SCRG1: variants seen among roughly 807,000 people sequenced by gnomAD.
SCRG1 encodes the protein scrapie-responsive protein 1.
A neutral mutation model predicts 7.7 loss-of-function variants in SCRG1; 3 were observed. The observed-to-expected ratio is 0.39, with a 90% CI of 0.18 to 1.01. The LOEUF (loss-of-function observed/expected upper bound fraction) is 1.01, where lower values mean the gene tolerates loss of function less well. SCRG1 is among the 50% of genes least tolerant of loss of function. The pLI is 0.36. For synonymous variants in SCRG1, 46 were observed against 41.2 expected, an observed-to-expected ratio of 1.12 and a Z score of -0.44; for missense variants, 110 against 117.2, an observed-to-expected ratio of 0.94 and a Z score of 0.28.
At chr4:173,507,960 C>T in the SCRG1 span, among the ~76,000 whole-genome samples, 6 of 152,312 alleles carry the variant, frequency 3.9e-5, no homozygotes, top group South Asian at 8.3e-4. This position sits in a 1 kb window ranked among gnomAD's most constrained non-coding sequence, Gnocchi z 4.4. Flanking sequence ...GTGCGGCTCC[C>T]GGAGGCGCTG....
At chr4:173,499,398 A>C in the SCRG1 span, among the ~76,000 whole-genome samples, 1 of 152,216 alleles carries the variant, frequency 6.6e-6, no homozygotes, top group Non-Finnish European at 1.5e-5. The surrounding 1 kb of genome is among the most constrained non-coding windows in gnomAD (Gnocchi z 4.1). Flanking sequence ...AATTTTAAAA[A>C]CTGGGATAGT....
the SCRG1 span, among the ~76,000 whole-genome samples, chr4:173,440,928 C>T: frequency 2.6e-5 from 4 of 152,118 alleles, no homozygotes; most frequent in African/African-American, 9.7e-5. Flanking sequence ...AGAAGGACAC[C>T]AGTCGTACTG....
chr4:173,451,617 TTTATTTTACTTAC>T, the SCRG1 span, among the ~76,000 whole-genome samples: 11 of 75,788 alleles, frequency 1.5e-4, no homozygotes, highest in Admixed American at 2.6e-4. Context: ...TTTATTTTAT[TTTATTTTACTTAC>T]TTATTTTATT....
chr4:173,516,609 C>T, the SCRG1 span, among the ~76,000 whole-genome samples: 3 of 152,196 alleles, frequency 2.0e-5, no homozygotes, highest in African/African-American at 4.8e-5. Context: ...CTGGCAGGGA[C>T]GCCCCAAGAG....
At chr4:173,463,891 C>A in the SCRG1 span, among the ~76,000 whole-genome samples, 1 of 152,034 alleles carries the variant, frequency 6.6e-6, no homozygotes, top group Admixed American at 6.6e-5. Flanking sequence ...GTGGATCAAT[C>A]AAAAAGCAAA....
the SCRG1 span, among the ~76,000 whole-genome samples, chr4:173,451,565 A>G: frequency 6.6e-6 from 1 of 152,020 alleles, no homozygotes; most frequent in Non-Finnish European, 1.5e-5. Context: ...ATGGCCTACT[A>G]AAATAGTAAA....
At chr4:173,394,912 A>G (rs1426165663) in intron 1 of SCRG1, among the ~76,000 whole-genome samples, 4 of 152,238 alleles carry the variant, frequency 2.6e-5, no homozygotes, top group Non-Finnish European at 5.9e-5. Flanking sequence ...ATATACACTT[A>G]TCTTTATCAA....
chr4:173,483,940 TAA>T, the SCRG1 span, among the ~76,000 whole-genome samples: 1 of 96,342 alleles, frequency 1.0e-5, no homozygotes, highest in African/African-American at 4.3e-5. Flanking sequence ...ATATATAATA[TAA>T]ATCATATATA....
chr4:173,411,598 T>G, the SCRG1 span, among the ~76,000 whole-genome samples: 1 of 152,342 alleles, frequency 6.6e-6, no homozygotes, highest in Non-Finnish European at 1.5e-5. Flanking sequence ...TGTATTTCTA[T>G]AAATCAGTAT....
At chr4:173,458,525 T>C in the SCRG1 span, among the ~76,000 whole-genome samples, 1 of 152,176 alleles carries the variant, frequency 6.6e-6, no homozygotes, top group Non-Finnish European at 1.5e-5. Context: ...TCAAAGGAGT[T>C]CTACATCTGG....
At chr4:173,458,254 C>T in the SCRG1 span, among the ~76,000 whole-genome samples, 3 of 152,152 alleles carry the variant, frequency 2.0e-5, no homozygotes, top group Middle Eastern at 3.4e-3. Context: ...AAAAATTAGC[C>T]CAGTCAGTGA....
rs1044220997 is a variant in SCRG1, at chr4:173,387,866, A to T, written c.*475T>A. 3 of 147,168 alleles carry T rather than the reference A, an allele frequency of 2.0e-5. No individual in the cohort carries two copies. Among genetic ancestry groups the T allele is most frequent in the Non-Finnish European group, 4.5e-5 (3 of 66,624 alleles). 9.1% of individuals were successfully genotyped at this position (147,168 alleles called of 1,614,324 possible). A position where few individuals can be genotyped will look rare whatever the true frequency, so the allele number is the denominator to read the frequency against. ...AGATGTGGGCACCCACAACCTGCTAATTTTTTAATTTTTTTGTAAAGAGGG... is the reference window on the plus strand; with the variant it reads ...AGATGTGGGCACCCACAACCTGCTATTTTTTTAATTTTTTTGTAAAGAGGG... On this transcript the variant is annotated 3_prime_UTR_variant, in exon 3 of 3. Coordinates refer to ENST00000296506, the MANE Select transcript of SCRG1 (RefSeq NM_007281.4).
chr4:173,464,713 TAAA>T, the SCRG1 span, among the ~76,000 whole-genome samples: 1 of 152,198 alleles, frequency 6.6e-6, no homozygotes, highest in Non-Finnish European at 1.5e-5. Context: ...TTGAAACCGC[TAAA>T]TAACTCAGCA....
At chr4:173,391,022 C>T in intron 2 of SCRG1, 151 bp downstream of exon 2, 1 of 761,210 alleles carries the variant, frequency 1.3e-6, no homozygotes, top group Middle Eastern at 2.4e-4. Flanking sequence ...TAGTTCTTTA[C>T]ACAATAGTGA....
intron 2 of SCRG1, among the ~76,000 whole-genome samples, chr4:173,390,830 G>A (rs1739415325): frequency 6.6e-6 from 1 of 152,110 alleles, no homozygotes; most frequent in South Asian, 2.1e-4. Flanking sequence ...TGGTTTTCAA[G>A]TTGGTTTAAG....
the SCRG1 span, among the ~76,000 whole-genome samples, chr4:173,481,883 T>C: frequency 2.0e-5 from 3 of 152,126 alleles, no homozygotes; most frequent in Non-Finnish European, 4.4e-5. Context: ...AGTAAAGTGT[T>C]TGGGGAGTCG....
At chr4:173,441,046 T>C in the SCRG1 span, among the ~76,000 whole-genome samples, 3 of 152,116 alleles carry the variant, frequency 2.0e-5, no homozygotes, top group African/African-American at 7.2e-5. Flanking sequence ...TAGACATTAA[T>C]TTGGGGGTGG....
the SCRG1 span, among the ~76,000 whole-genome samples, chr4:173,442,921 T>A: frequency 6.6e-6 from 1 of 152,120 alleles, no homozygotes; most frequent in African/African-American, 2.4e-5. Flanking sequence ...CACAGGCAAT[T>A]AAATTTCAAC....
At chr4:173,518,303 T>C in the SCRG1 span, among the ~76,000 whole-genome samples, 1 of 152,132 alleles carries the variant, frequency 6.6e-6, no homozygotes, top group African/African-American at 2.4e-5. Flanking sequence ...CAGTCTTGGA[T>C]ACCTAGGGTG....
Sources: gnomAD v4.1 joint callset for allele counts (sites outside exome capture counted in the v4.1 genomes callset) on GRCh38, gnomAD v4.1.1 for gene constraint, Gnocchi (gnomAD v3.1) non-coding constraint, MANE v1.5 for transcripts, NCBI Gene and HGNC (gene_info 2026-07-23, HGNC 2026-07-21) for gene names.